Variants in COLEC12 observed in about 807,000 individuals in gnomAD.
COLEC12 encodes the protein collectin-12.
A neutral mutation model predicts 71.1 loss-of-function variants in COLEC12; 33 were observed. The observed-to-expected ratio is 0.46, with a 90% CI of 0.35 to 0.62. The LOEUF (loss-of-function observed/expected upper bound fraction) is 0.62, where lower values mean the gene tolerates loss of function less well. Ranked by LOEUF, COLEC12 falls within the 20% of genes least tolerant of loss-of-function variation. COLEC12 has a pLI of 0.00. For synonymous variants in COLEC12, 350 were observed against 353.0 expected (o/e 0.99, Z 0.10); for missense variants, 765 against 916.1 (o/e 0.84, Z 2.13).
Position 359,576 on chromosome 18 carries a change from T to C in COLEC12, c.59-2054A>G, listed in dbSNP as rs367601789. ...TTTTTGAAAAACATTCTTGTCTGAG[T>C]GGTCAACCAGCATCAATGCTGCAAG... On this transcript the variant is annotated intron_variant, in intron 2 of 9. Coordinates refer to ENST00000400256, the MANE Select transcript of COLEC12 (RefSeq NM_130386.3). Among the ~76,000 whole-genome samples, 13 of 152,332 alleles carry C rather than the reference T, an allele frequency of 8.5e-5. No homozygotes were observed. The East Asian group carries it at 1.7e-3, about 20-fold the overall frequency.
chr18:499,991 G>A (rs1396054858), intron 1 of COLEC12, among the ~76,000 whole-genome samples: 1 of 152,194 alleles, frequency 6.6e-6, no homozygotes, highest in Non-Finnish European at 1.5e-5. Flanking sequence ...GAACTCCTCG[G>A]GCACCTAATC....
At chr18:352,149 G>C (rs1271501027) in intron 3 of COLEC12, among the ~76,000 whole-genome samples, 1 of 152,164 alleles carries the variant, frequency 6.6e-6, no homozygotes, top group Non-Finnish European at 1.5e-5. Flanking sequence ...CCTTAGGGTT[G>C]CTTCATAGGT....
rs1197505421 is a variant in COLEC12, at chr18:399,384, C to G, written c.59-41862G>C. On this transcript the variant is annotated intron_variant, in intron 2 of 9. Coordinates refer to ENST00000400256, the MANE Select transcript of COLEC12 (RefSeq NM_130386.3). This position sits in a 1 kb window ranked among gnomAD's most constrained non-coding sequence, Gnocchi z 4.0. ...GAAGGGTTCTCATCACTGTGTAGCG[C>G]GCAGCTCTGTGCCCCTGCCCAGCCA... is the stretch of plus-strand genomic sequence containing the variant. Among the ~76,000 whole-genome samples the G allele has an allele frequency of 6.6e-6, 1 of 152,180 alleles. No homozygotes were observed. Among genetic ancestry groups the G allele is most frequent in the African/African-American group, 2.4e-5 (1 of 41,426 alleles).
intron 8 of COLEC12, 138 bp from the exon 9 acceptor site, chr18:321,945 G>A: frequency 1.2e-6 from 1 of 810,152 alleles, no homozygotes; most frequent in South Asian, 1.8e-5. Flanking sequence ...TTAAAAATCA[G>A]TACATGCTCT....
chr18:345,892 G>A (rs1260776408), intron 5 of COLEC12, among the ~76,000 whole-genome samples: 1 of 152,224 alleles, frequency 6.6e-6, no homozygotes, highest in African/African-American at 2.4e-5. Context: ...GTGATGGTGT[G>A]TGGCTTCTGA....
intron 2 of COLEC12, among the ~76,000 whole-genome samples, chr18:376,913 T>C (rs936918088): frequency 1.1e-4 from 17 of 152,244 alleles, no homozygotes; most frequent in Admixed American, 1.1e-3. Context: ...TACTGCATTT[T>C]ACAAAATGCA....
intron 2 of COLEC12, among the ~76,000 whole-genome samples, chr18:473,551 C>T (rs2143758535): frequency 6.6e-6 from 1 of 152,074 alleles, no homozygotes; most frequent in African/African-American, 2.4e-5. Flanking sequence ...TTAGTAGAGA[C>T]AGGGTTTCTC....
chr18:350,574 A>G (rs548517267), intron 3 of COLEC12, among the ~76,000 whole-genome samples: 2 of 152,334 alleles, frequency 1.3e-5, no homozygotes, highest in Admixed American at 6.5e-5. Context: ...TATGTGAGAT[A>G]CAGCTTCTAG....
In COLEC12 at chr18:319,821, C is replaced by A. The variant is rs141652434; in HGVS notation, c.*224G>T. The A allele has an allele frequency of 3.6e-6, 2 of 562,058 alleles. No individual in the cohort carries two copies. The highest frequency in any genetic ancestry group is 6.2e-6 in the Non-Finnish European group (2 of 320,026). The allele number at this position is 562,058 out of a possible 1,614,324, so 34.8% of individuals were successfully genotyped here. ...CGGAGGAGAATCTATGTGATTCAGT[C>A]CATGTGCACAATGAAAATCAGCATA... On this transcript the variant is annotated 3_prime_UTR_variant, in exon 10 of 10. Coordinates refer to ENST00000400256, the MANE Select transcript of COLEC12 (RefSeq NM_130386.3).
rs919644581 is a variant in COLEC12 at position 384,314 on chromosome 18, G to A, written c.59-26792C>T. Among the ~76,000 whole-genome samples the A allele has an allele frequency of 6.6e-5, 10 of 152,156 alleles. 1 individual carries two copies. The East Asian group carries it at 1.4e-3, about 21-fold the overall frequency. ...TGCTAGTCCACCTCACCTGGAGGAT[G>A]GTACCCATTCCGGGCCACTAACTTG... On this transcript the variant is annotated intron_variant, in intron 2 of 9. Coordinates refer to ENST00000400256, the MANE Select transcript of COLEC12 (RefSeq NM_130386.3).
chr18:409,864 A>C (rs72861860), intron 2 of COLEC12, among the ~76,000 whole-genome samples: 1,663 of 152,298 alleles, frequency 0.011, 15 homozygotes, highest in Non-Finnish European at 0.017. Flanking sequence ...AGGCACAGAT[A>C]AGCACAAGAA....
intron 1 of COLEC12, among the ~76,000 whole-genome samples, chr18:494,451 T>A (rs766062412): frequency 1.3e-5 from 2 of 152,002 alleles, no homozygotes; most frequent in Non-Finnish European, 1.5e-5. Flanking sequence ...TTAAACAACA[T>A]CAAGTAGATG....
chr18:349,484 T>G lies in COLEC12; in HGVS notation c.182-1321A>C, dbSNP rs187309323. ...GCATGAAGAACCTCTGCTAGGGCAG[T>G]GTGGAAGGGAAATGTGGTGTCGGAG... is the stretch of plus-strand genomic sequence containing the variant. On this transcript the variant is annotated intron_variant, in intron 3 of 9. Transcript: ENST00000400256. Among the ~76,000 whole-genome samples the G allele has an allele frequency of 5.6e-3, 847 of 152,288 alleles. 4 individuals carry two copies. The highest frequency in any genetic ancestry group is 6.9e-3 in the Non-Finnish European group (471 of 68,016).
chr18:473,477 C>T (rs1275247773), intron 2 of COLEC12, among the ~76,000 whole-genome samples: 1 of 145,944 alleles, frequency 6.9e-6, no homozygotes, highest in African/African-American at 2.5e-5. Flanking sequence ...ATTCTCCTGC[C>T]TCAGCCTCCC....
At chr18:334,496 C>A (rs956190869) in intron 6 of COLEC12, 48 of 328,110 alleles carry the variant, frequency 1.5e-4, no homozygotes, top group Admixed American at 1.1e-3. Context: ...GCTGTGGGGG[C>A]ACACGCTTGT....
intron 1 of COLEC12, among the ~76,000 whole-genome samples, chr18:485,132 C>G (rs1166716956): frequency 6.6e-6 from 1 of 152,210 alleles, no homozygotes; most frequent in African/African-American, 2.4e-5. Context: ...ATTCTGTCCT[C>G]AAAACCTTTT....
chr18:332,166 G>A (rs1334674881), intron 7 of COLEC12, among the ~76,000 whole-genome samples: 1 of 152,228 alleles, frequency 6.6e-6, no homozygotes, highest in East Asian at 1.9e-4. Context: ...GTTGCACGCA[G>A]TGTGTCTCCA....
intron 2 of COLEC12, among the ~76,000 whole-genome samples, chr18:435,598 A>ATC (rs5822567): frequency 2.0e-5 from 3 of 151,368 alleles, no homozygotes; most frequent in African/African-American, 4.8e-5. Context: ...TTAAATCCAA[A>ATC]TCTCTCTCTC....
intron 2 of COLEC12, among the ~76,000 whole-genome samples, chr18:464,310 C>A (rs1308667017): frequency 1.3e-5 from 2 of 152,184 alleles, no homozygotes; most frequent in Non-Finnish European, 2.9e-5. Flanking sequence ...CAGCATCTCG[C>A]GACAGTCTAT....
Sources: allele counts gnomAD v4.1 joint callset (sites outside exome capture counted in the v4.1 genomes callset), GRCh38; gene constraint gnomAD v4.1.1; non-coding constraint Gnocchi (gnomAD v3.1); transcripts MANE v1.5; gene names NCBI Gene and HGNC (gene_info 2026-07-23, HGNC 2026-07-21).